Variants in PIK3CD observed in about 807,000 individuals in gnomAD.
PIK3CD encodes the protein phosphatidylinositol-4,5-bisphosphate 3-kinase catalytic subunit delta.
PIK3CD carries 20 observed loss-of-function variants against 122.9 expected under a neutral mutation model. The observed-to-expected ratio is 0.16, with a 90% confidence interval of 0.11 to 0.24. The LOEUF is 0.24. Among genes scored for constraint, PIK3CD ranks in the 10% least tolerant of loss-of-function variants. The pLI is 1.00. For synonymous variants in PIK3CD, 596 were observed against 593.4 expected (o/e 1.00, Z -0.06); for missense variants, 787 against 1,406.3 (o/e 0.56, Z 7.04).
chr1:9,718,594 C>A lies in PIK3CD; in HGVS notation c.1021-100C>A, dbSNP rs1023277874. 9.8e-6 allele frequency: 11 copies of A among 1,119,394 alleles called. No individual in the cohort carries two copies. Among genetic ancestry groups the A allele is most frequent in the Middle Eastern group, 2.7e-4 (1 of 3,756 alleles). The allele number at this position is 1,119,394 out of a possible 1,614,324, so 69.3% of individuals were successfully genotyped here. On this transcript the variant is annotated intron_variant, in intron 8 of 23. Coordinates refer to ENST00000377346, the MANE Select transcript of PIK3CD (RefSeq NM_005026.5). The surrounding 1 kb of genome is among the most constrained non-coding windows in gnomAD (Gnocchi z 7.2). The stretch of plus-strand genomic sequence containing the variant: ...CTTCGTGTGGGAAGTAGAGTTCAGA[C>A]CCACCTGAGGACATTCAAGGGGGAG...
the PIK3CD span, among the ~76,000 whole-genome samples, chr1:9,645,101 C>T: frequency 6.7e-6 from 1 of 149,994 alleles, no homozygotes; most frequent in Non-Finnish European, 1.5e-5. Flanking sequence ...CCTCGGCTCA[C>T]TGCCACCTCC....
In PIK3CD at chr1:9,720,219, G is replaced by T. The variant is rs751662332; in HGVS notation, c.1447G>T (p.Val483Leu). 1 of 1,609,500 alleles carries T rather than the reference G, an allele frequency of 6.2e-7. No individual in the cohort carries two copies. The highest frequency in any genetic ancestry group is 1.3e-5 in the African/African-American group (1 of 74,974). Residue 483 changes from valine to leucine, a missense_variant, in exon 11 of 24, where the codon GTG becomes TTG. This residue lies in a region of PIK3CD where 592 missense variants were observed against 920.6 expected (regional missense o/e 0.64). Coordinates refer to ENST00000377346, the MANE Select transcript of PIK3CD (RefSeq NM_005026.5). The surrounding 1 kb of genome is among the most constrained non-coding windows in gnomAD (Gnocchi z 9.0). The stretch of plus-strand genomic sequence containing the variant: ...CCTGCCCGAGGTGGCCCCGCACCCC[G>T]TGTACTACCCCGCCCTGGAGAAGGT... ...ICLPEVAPHP[V>L]YYPALEKILE...
In PIK3CD at chr1:9,658,521, A is replaced by ATTTTTTTTT. The variant is rs1165670404; in HGVS notation, c.-138+6734_-138+6742dup. On this transcript the variant is annotated intron_variant, in intron 1 of 23. Transcript: ENST00000377346. ...CTGAACTGGGTTTTTTCCCAGCCAC[A>ATTTTTTTTT]TTTTTTTTTTTTTTTTTTTTTTTGG... Among the ~76,000 whole-genome samples, 78 of 91,172 alleles carry ATTTTTTTTT rather than the reference A, an allele frequency of 8.6e-4. 4 individuals are homozygous for ATTTTTTTTT. Among genetic ancestry groups the ATTTTTTTTT allele is most frequent in the East Asian group, 3.2e-3 (8 of 2,466 alleles). 59.8% of individuals were successfully genotyped at this position (91,172 alleles called of 152,430 possible).
At chr1:9,687,343 G>A (rs1293817379) in intron 1 of PIK3CD, 2 of 152,212 alleles carry the variant, frequency 1.3e-5, no homozygotes, top group Non-Finnish European at 2.9e-5. Context: ...ACCAGGTTGG[G>A]GGGCTCTGCA....
the PIK3CD span, among the ~76,000 whole-genome samples, chr1:9,630,870 G>A: frequency 6.6e-6 from 1 of 152,086 alleles, no homozygotes; most frequent in Non-Finnish European, 1.5e-5. Context: ...GGCCCAGCAG[G>A]GAGGGCAGAG....
chr1:9,692,655 A>G (rs947696888), intron 2 of PIK3CD, among the ~76,000 whole-genome samples: 1 of 151,716 alleles, frequency 6.6e-6, no homozygotes, highest in South Asian at 2.1e-4. Flanking sequence ...ACTTGAACCC[A>G]GGAGGCGGAG....
At chr1:9,637,603 A>G in the PIK3CD span, among the ~76,000 whole-genome samples, 1 of 145,748 alleles carries the variant, frequency 6.9e-6, no homozygotes, top group African/African-American at 2.6e-5. Flanking sequence ...ACAGGGCCAC[A>G]CTCTCTCTGG....
At chr1:9,634,547 C>T in the PIK3CD span, among the ~76,000 whole-genome samples, 3 of 152,156 alleles carry the variant, frequency 2.0e-5, no homozygotes, top group African/African-American at 7.2e-5. Context: ...GATCTGCCCG[C>T]CTTGGCCTCC....
chr1:9,664,381 G>T (rs1443761278), intron 1 of PIK3CD, among the ~76,000 whole-genome samples: 1 of 152,060 alleles, frequency 6.6e-6, no homozygotes, highest in Non-Finnish European at 1.5e-5. Flanking sequence ...GTGTCCCAAA[G>T]AAATATCCGT....
chr1:9,694,415 T>A (rs1156638207), intron 2 of PIK3CD, among the ~76,000 whole-genome samples: 3 of 152,160 alleles, frequency 2.0e-5, no homozygotes, highest in Non-Finnish European at 2.9e-5. Context: ...GTGCCTGTAA[T>A]CCCAGCTACT....
chr1:9,674,404 G>A (rs1645435139), intron 1 of PIK3CD, among the ~76,000 whole-genome samples: 1 of 152,160 alleles, frequency 6.6e-6, no homozygotes, highest in African/African-American at 2.4e-5. Context: ...GGTTGGCCGG[G>A]CGCGGTGGCT....
rs530647366 is a variant in PIK3CD, at chr1:9,677,556, G to T, written c.-137-13911G>T. Among the ~76,000 whole-genome samples the T allele has an allele frequency of 2.7e-4, 40 of 150,904 alleles. 1 individual carries two copies. The highest frequency in any genetic ancestry group is 2.5e-3 in the Admixed American group (37 of 15,028). ...GCTACTTGAGGAGATGAGGCAGGAG[G>T]ATCGCTTGAACCAGGGTGGTCAAGG... is the stretch of plus-strand genomic sequence containing the variant. On this transcript the variant is annotated intron_variant, in intron 1 of 23. Coordinates refer to ENST00000377346, the MANE Select transcript of PIK3CD (RefSeq NM_005026.5).
intron 23 of PIK3CD, among the ~76,000 whole-genome samples, chr1:9,725,917 A>G (rs1005735566): frequency 4.0e-5 from 6 of 151,746 alleles, no homozygotes; most frequent in Non-Finnish European, 8.8e-5. Flanking sequence ...TAAATAAAAG[A>G]TATTTTTCCA....
rs752175186 is a variant in PIK3CD at position 9,723,953 on chromosome 1, A to C, written c.2595-16A>C. The C allele has an allele frequency of 1.9e-6, 3 of 1,613,884 alleles. No homozygotes were observed. In the South Asian group the frequency reaches 3.3e-5, roughly 18 times the overall value. ...GCAAAATGGTATGGCCATGCTTTTT[A>C]ATCTTCCCCACCCAGGGAGGCCCTG... On this transcript the variant is annotated splice_polypyrimidine_tract_variant and intron_variant, in intron 20 of 23. Transcript: ENST00000377346. This position sits in a 1 kb window ranked among gnomAD's most constrained non-coding sequence, Gnocchi z 4.9.
chr1:9,641,698 C>T, the PIK3CD span, among the ~76,000 whole-genome samples: 11 of 152,150 alleles, frequency 7.2e-5, no homozygotes, highest in African/African-American at 2.7e-4. Context: ...AACCCACAAC[C>T]CCTGACCCTC....
In PIK3CD at chr1:9,718,559, C is replaced by A; in HGVS notation, c.1021-135C>A. The A allele has an allele frequency of 1.2e-6, 1 of 855,438 alleles. No homozygotes were observed. The highest frequency in any genetic ancestry group is 1.9e-6 in the Non-Finnish European group (1 of 527,474). 53.0% of individuals were successfully genotyped at this position (855,438 alleles called of 1,614,324 possible). A position where few individuals can be genotyped will look rare whatever the true frequency, so the allele number is the denominator to read the frequency against. On this transcript the variant is annotated intron_variant, in intron 8 of 23. Coordinates refer to ENST00000377346, the MANE Select transcript of PIK3CD (RefSeq NM_005026.5). The surrounding 1 kb of genome is among the most constrained non-coding windows in gnomAD (Gnocchi z 7.2). ...TGCCCCTCAGGCCTTCCCTGTGCTG[C>A]ACCACCTTCCTTCGTGTGGGAAGTA...
intron 16 of PIK3CD, 41 bp from the exon 17 acceptor site, chr1:9,721,934 G>A (rs1420286869): frequency 6.2e-7 from 1 of 1,612,904 alleles, no homozygotes; most frequent in Admixed American, 1.7e-5. Flanking sequence ...CTGGGTCGAG[G>A]CTGGGACCTG....
At chr1:9,695,590 T>C (rs1248937531) in intron 2 of PIK3CD, among the ~76,000 whole-genome samples, 1 of 152,162 alleles carries the variant, frequency 6.6e-6, no homozygotes, top group Non-Finnish European at 1.5e-5. Flanking sequence ...ACACCTGTAA[T>C]CCCGGCACTT....
rs759481130 is a variant in PIK3CD at position 9,722,377 on chromosome 1, C to T, written c.2347+21C>T. 8 of 1,591,090 alleles carry T rather than the reference C, an allele frequency of 5.0e-6. No homozygotes were observed. Among genetic ancestry groups the T allele is most frequent in the South Asian group, 4.4e-5 (4 of 89,986 alleles). The stretch of plus-strand genomic sequence containing the variant: ...GGATGGTGAGGGCCTGGCCTCCCCA[C>T]ACCCCGCCTGTACTGCCCTGGGGGG... On this transcript the variant is annotated intron_variant, in intron 18 of 23. Coordinates refer to ENST00000377346, the MANE Select transcript of PIK3CD (RefSeq NM_005026.5). This position sits in a 1 kb window ranked among gnomAD's most constrained non-coding sequence, Gnocchi z 7.6.
Sources: allele counts gnomAD v4.1 joint callset (sites outside exome capture counted in the v4.1 genomes callset), GRCh38; gene constraint gnomAD v4.1.1; regional missense constraint gnomAD v4.1.1; non-coding constraint Gnocchi (gnomAD v3.1); transcripts MANE v1.5; gene names NCBI Gene and HGNC (gene_info 2026-07-23, HGNC 2026-07-21).